Variants in PRSS12 observed in about 807,000 individuals in gnomAD.
PRSS12 encodes the protein neurotrypsin.
In PRSS12, 85 loss-of-function variants were observed where a neutral mutation model predicts 104.4. The observed-to-expected ratio is 0.81, with a 90% CI of 0.68 to 0.98. The LOEUF is 0.98. Among genes scored for constraint, PRSS12 ranks in the 50% least tolerant of loss-of-function variants. The pLI is 0.00. For missense variants in PRSS12, 1,141 were observed against 1,139.2 expected (o/e 1.00, Z -0.02); for synonymous variants, 454 against 425.2 (o/e 1.07, Z -0.83).
chr4:118,324,128 G>C (rs575535112), intron 4 of PRSS12, among the ~76,000 whole-genome samples: 1 of 151,928 alleles, frequency 6.6e-6, no homozygotes, highest in South Asian at 2.1e-4. Context: ...TCAAACTCCT[G>C]AACTCAAGCA....
chr4:118,324,550 C>G (rs143439466), intron 4 of PRSS12, among the ~76,000 whole-genome samples: 6 of 152,056 alleles, frequency 3.9e-5, no homozygotes, highest in African/African-American at 1.4e-4. Context: ...AAGGAAAAAG[C>G]AAAAGTTCTG....
At chr4:118,325,795 C>T (rs1199586727) in intron 4 of PRSS12, among the ~76,000 whole-genome samples, 3 of 151,996 alleles carry the variant, frequency 2.0e-5, no homozygotes, top group Non-Finnish European at 2.9e-5. Flanking sequence ...AATAAAAGCT[C>T]TAGTGTTGTC....
chr4:118,283,380 C>G (rs1445293088), intron 11 of PRSS12, among the ~76,000 whole-genome samples: 1 of 152,206 alleles, frequency 6.6e-6, no homozygotes, highest in Non-Finnish European at 1.5e-5. Flanking sequence ...AATCATTAAT[C>G]TGTCATTTCC....
rs1457092717 is a variant in PRSS12 at position 118,280,601 on chromosome 4, A to G, written c.*1335T>C. 2 of 152,250 alleles carry G rather than the reference A, an allele frequency of 1.3e-5. No homozygotes were observed. The highest frequency in any genetic ancestry group is 2.9e-5 in the Non-Finnish European group (2 of 68,044). The allele number at this position is 152,250 out of a possible 1,614,324, so 9.4% of individuals were successfully genotyped here. ...TTAAAACAATTTGTAAGTTCATGCTAACCTCTTCCCTATATTTATACTACT... is the reference window on the plus strand; with the variant it reads ...TTAAAACAATTTGTAAGTTCATGCTGACCTCTTCCCTATATTTATACTACT... On this transcript the variant is annotated 3_prime_UTR_variant, in exon 13 of 13. Transcript: ENST00000296498.
intron 5 of PRSS12, 92 bp downstream of exon 5, chr4:118,318,286 G>A: frequency 2.5e-6 from 3 of 1,204,586 alleles, no homozygotes; most frequent in South Asian, 2.7e-5. Context: ...ATGCTCATTT[G>A]GTAATGTTGA....
At chr4:118,302,308 A>C (rs1476027083) in intron 8 of PRSS12, among the ~76,000 whole-genome samples, 1 of 152,150 alleles carries the variant, frequency 6.6e-6, no homozygotes, top group African/African-American at 2.4e-5. Flanking sequence ...GATTCATTAG[A>C]TTGAGGTATA....
chr4:118,352,397 C>G lies in PRSS12; in HGVS notation c.324G>C (p.Pro108=), dbSNP rs1379241588. The change falls in exon 1 of 13, where the codon CCG becomes CCC. Residue 108 remains proline, a synonymous_variant. Transcript: ENST00000296498. ...GTGGCACCTCCGCCCACCGCAGACA[C>G]GGGGCGCCGAAGTCCGTCACGCTGA... ...PWVSVTDFGA[P]CLRWAEVPPF... is the part of the protein sequence containing the mutation. 4.5e-6 allele frequency: 7 copies of G among 1,542,316 alleles called. No homozygotes were observed. Among genetic ancestry groups the G allele is most frequent in the Non-Finnish European group, 6.1e-6 (7 of 1,149,090 alleles).
intron 5 of PRSS12, among the ~76,000 whole-genome samples, chr4:118,318,129 T>C (rs1342864179): frequency 6.6e-6 from 1 of 152,228 alleles, no homozygotes; most frequent in Non-Finnish European, 1.5e-5. Flanking sequence ...TACTATATAC[T>C]GCAACAAAGT....
intron 1 of PRSS12, among the ~76,000 whole-genome samples, chr4:118,341,792 A>C (rs1270679845): frequency 6.6e-6 from 1 of 152,204 alleles, no homozygotes; most frequent in African/African-American, 2.4e-5. Flanking sequence ...AGCCATGATC[A>C]ACTATCTCCT....
intron 4 of PRSS12, among the ~76,000 whole-genome samples, chr4:118,330,675 A>G (rs540794461): frequency 6.6e-6 from 1 of 152,242 alleles, no homozygotes; most frequent in Non-Finnish European, 1.5e-5. Context: ...GTATTAGACA[A>G]TATTAAAAAT....
chr4:118,307,039 T>C (rs1331442681), intron 8 of PRSS12, among the ~76,000 whole-genome samples: 1 of 152,046 alleles, frequency 6.6e-6, no homozygotes, highest in East Asian at 1.9e-4. Flanking sequence ...GGAAATGTAC[T>C]GGGAATGTAA....
At chr4:118,300,596 A>G (rs1743382562) in intron 8 of PRSS12, among the ~76,000 whole-genome samples, 3 of 152,182 alleles carry the variant, frequency 2.0e-5, no homozygotes, top group African/African-American at 4.8e-5. Flanking sequence ...TATCCTTGAA[A>G]TCTCAAGTTA....
chr4:118,316,252 A>C lies in PRSS12; in HGVS notation c.1222T>G (p.Trp408Gly). The C allele has an allele frequency of 3.1e-6, 5 of 1,614,044 alleles. No individual in the cohort carries two copies. The highest frequency in any genetic ancestry group is 4.2e-6 in the Non-Finnish European group (5 of 1,180,004). ...GRLEVYYRGQ[W>G]GTVCDDGWTE... ...CAGCCATCATCACAGACAGTTCCCC[A>C]CTGGCCTCTGTAATATACCTCCAAG... The change falls in exon 6 of 13, where the codon TGG becomes GGG. Residue 408 changes from tryptophan to glycine, a missense_variant. Trp to Gly is a radical substitution (Grantham distance 184, BLOSUM62 -2). Transcript: ENST00000296498.
At chr4:118,290,053 C>A (rs1243961364) in intron 11 of PRSS12, among the ~76,000 whole-genome samples, 1 of 152,178 alleles carries the variant, frequency 6.6e-6, no homozygotes, top group African/African-American at 2.4e-5. Context: ...AACTGAGCCA[C>A]CACTTTCATC....
At chr4:118,347,307 ACACT>A (rs1224229375) in intron 1 of PRSS12, among the ~76,000 whole-genome samples, 7 of 152,344 alleles carry the variant, frequency 4.6e-5, no homozygotes, top group African/African-American at 1.4e-4. Context: ...TTTTTAATTA[ACACT>A]CACTACAAAC....
At chr4:118,309,549 C>T (rs1743651340) in intron 7 of PRSS12, among the ~76,000 whole-genome samples, 1 of 152,062 alleles carries the variant, frequency 6.6e-6, no homozygotes. Flanking sequence ...TGATTGTGGA[C>T]TCCAACCCCC....
chr4:118,304,285 GA>G (rs1743480409), intron 8 of PRSS12, among the ~76,000 whole-genome samples: 1 of 151,266 alleles, frequency 6.6e-6, no homozygotes, highest in African/African-American at 2.4e-5. Flanking sequence ...ACTTCAAGGA[GA>G]AAAAAAAACT....
chr4:118,313,447 A>T (rs753370145), intron 6 of PRSS12, 50 bp from the exon 7 acceptor site: 1 of 1,578,158 alleles, frequency 6.3e-7, no homozygotes, highest in East Asian at 2.2e-5. Flanking sequence ...CTCTTGGTTC[A>T]GGGAACCACA....
At chr4:118,314,951 A>C (rs1743866474) in intron 6 of PRSS12, among the ~76,000 whole-genome samples, 1 of 152,098 alleles carries the variant, frequency 6.6e-6, no homozygotes, top group Non-Finnish European at 1.5e-5. Context: ...ATTCACTTAA[A>C]TATAAAGTGA....
Sources: gnomAD v4.1 joint callset for allele counts (sites outside exome capture counted in the v4.1 genomes callset) on GRCh38, gnomAD v4.1.1 for gene constraint, MANE v1.5 for transcripts, NCBI Gene and HGNC (gene_info 2026-07-23, HGNC 2026-07-21) for gene names.